PTCHD4: variants seen among roughly 807,000 people sequenced by gnomAD.
PTCHD4 encodes patched domain containing 4.
In PTCHD4, 33 loss-of-function variants were observed where a neutral mutation model predicts 58.1. That is an observed-to-expected ratio of 0.57 (90% CI 0.43 to 0.76). PTCHD4 has a LOEUF of 0.76. PTCHD4 is among the 30% of genes least tolerant of loss of function. The pLI, the probability that PTCHD4 is intolerant of heterozygous loss-of-function variation, is 0.00. For missense variants in PTCHD4, 1,058 were observed against 1,027.1 expected, an observed-to-expected ratio of 1.03 and a Z score of -0.41; for synonymous variants, 478 against 409.6, an observed-to-expected ratio of 1.17 and a Z score of -2.02.
rs755850379 is a variant in PTCHD4 at position 48,068,536 on chromosome 6, C to T, written c.111G>A (p.Arg37=). The change falls in exon 3 of 5, where the codon CGG becomes CGA. Residue 37 remains arginine, a synonymous_variant. Coordinates refer to ENST00000339488, the MANE Select transcript of PTCHD4 (RefSeq NM_001384253.1). This position sits in a 1 kb window ranked among gnomAD's most constrained non-coding sequence, Gnocchi z 4.2. ...GCACGGTGAGGAAAAAGACCGGGTG[C>T]CGGCTCACGCACAAACCCAGCCTGT... ...FCHRLGLCVS[R]HPVFFLTVPA... The T allele has an allele frequency of 3.1e-6, 5 of 1,609,306 alleles. No homozygotes were observed. Among genetic ancestry groups the T allele is most frequent in the South Asian group, 1.1e-5 (1 of 90,836 alleles).
chr6:47,987,053 G>A (rs530441723), intron 4 of PTCHD4, among the ~76,000 whole-genome samples: 3 of 152,052 alleles, frequency 2.0e-5, no homozygotes, highest in African/African-American at 7.2e-5. Flanking sequence ...TACAGTAAAA[G>A]CAAGTTTGAA....
At chr6:47,999,624 G>A (rs1382031084) in intron 4 of PTCHD4, among the ~76,000 whole-genome samples, 4 of 152,098 alleles carry the variant, frequency 2.6e-5, no homozygotes, top group African/African-American at 4.8e-5. Context: ...GGAAATAGAC[G>A]TGCACAACGC....
intron 4 of PTCHD4, among the ~76,000 whole-genome samples, chr6:47,924,373 A>T (rs923455320): frequency 7.2e-5 from 11 of 152,282 alleles, no homozygotes; most frequent in African/African-American, 2.2e-4. Context: ...CAAAGTGAAG[A>T]TTAAGATGAC....
chr6:48,088,098 G>C (rs575233901), intron 1 of PTCHD4, among the ~76,000 whole-genome samples: 1 of 152,040 alleles, frequency 6.6e-6, no homozygotes, highest in Non-Finnish European at 1.5e-5. Flanking sequence ...CCATCAATAA[G>C]GGAACTCAGG....
intron 4 of PTCHD4, among the ~76,000 whole-genome samples, chr6:48,003,082 C>G (rs1768799699): frequency 6.6e-6 from 1 of 152,072 alleles, no homozygotes; most frequent in East Asian, 1.9e-4. Context: ...TTTCTGAATC[C>G]CTCATCTTCC....
chr6:47,915,462 T>C (rs1765213510), intron 4 of PTCHD4, among the ~76,000 whole-genome samples: 1 of 152,238 alleles, frequency 6.6e-6, no homozygotes. Context: ...TTGAAAGTCC[T>C]AAGCATCTTT....
intron 4 of PTCHD4, among the ~76,000 whole-genome samples, chr6:47,953,383 A>T (rs999679483): frequency 6.6e-6 from 1 of 152,178 alleles, no homozygotes; most frequent in African/African-American, 2.4e-5. Flanking sequence ...CTCTGAGTTT[A>T]GATGAGATTT....
intron 4 of PTCHD4, among the ~76,000 whole-genome samples, chr6:47,898,942 G>A (rs557297806): frequency 2.9e-4 from 44 of 152,324 alleles, no homozygotes; most frequent in South Asian, 1.5e-3. Context: ...GAGGGGTCAT[G>A]CTCTCCCTGG....
chr6:47,936,680 G>T (rs1766009797), intron 4 of PTCHD4, among the ~76,000 whole-genome samples: 1 of 152,226 alleles, frequency 6.6e-6, no homozygotes, highest in South Asian at 2.1e-4. Flanking sequence ...AACATCTATT[G>T]TGATGTGCTA....
In PTCHD4 at chr6:48,069,444, C is replaced by G. The variant is rs1054175118; in HGVS notation, c.-487G>C. 3.9e-5 allele frequency among the ~76,000 whole-genome samples: 6 copies of G among 152,098 alleles called. No homozygotes were observed. Among genetic ancestry groups the G allele is most frequent in the African/African-American group, 1.4e-4 (6 of 41,414 alleles). On this transcript the variant is annotated 5_prime_UTR_variant, in exon 2 of 5. Coordinates refer to ENST00000339488, the MANE Select transcript of PTCHD4 (RefSeq NM_001384253.1). ...TGTGCCCTCGAATTCTGCTTTTCAGCGAAGAAAAGGAGCAGAGAGGATGAT... is the reference window on the plus strand; with the variant it reads ...TGTGCCCTCGAATTCTGCTTTTCAGGGAAGAAAAGGAGCAGAGAGGATGAT...
intron 4 of PTCHD4, among the ~76,000 whole-genome samples, chr6:47,916,908 G>A (rs892976951): frequency 6.6e-6 from 1 of 152,076 alleles, no homozygotes; most frequent in African/African-American, 2.4e-5. Flanking sequence ...TCTTCCTGGG[G>A]TGGTACTCCT....
In PTCHD4 at chr6:47,934,535, T is replaced by C. The variant is rs145457036; in HGVS notation, c.899-54599A>G. Among the ~76,000 whole-genome samples the C allele has an allele frequency of 3.3e-5, 5 of 152,282 alleles. No homozygotes were observed. In the East Asian group the frequency reaches 9.6e-4, roughly 29 times the overall value. ...TGTAATCTAGTAGCATAAAAATATA[T>C]ATGTGTGACTTAGTTGCAAAAGTAT... On this transcript the variant is annotated intron_variant, in intron 4 of 4. Coordinates refer to ENST00000339488, the MANE Select transcript of PTCHD4 (RefSeq NM_001384253.1).
intron 4 of PTCHD4, among the ~76,000 whole-genome samples, chr6:47,988,840 C>T (rs969754197): frequency 2.6e-5 from 4 of 152,098 alleles, no homozygotes; most frequent in African/African-American, 4.8e-5. Context: ...TGGACTAATT[C>T]AGTAAATTGG....
intron 1 of PTCHD4, among the ~76,000 whole-genome samples, chr6:48,099,248 C>T (rs920169420): frequency 6.6e-6 from 1 of 152,188 alleles, no homozygotes; most frequent in African/African-American, 2.4e-5. Context: ...TAAAGGGATA[C>T]CTGCTTCCAG....
Position 47,865,236 on chromosome 6 carries a change from T to C in PTCHD4, c.*13067A>G, listed in dbSNP as rs1028699494. Among the ~76,000 whole-genome samples the C allele has an allele frequency of 6.6e-6, 1 of 151,962 alleles. No homozygotes were observed. Among genetic ancestry groups the C allele is most frequent in the East Asian group, 1.9e-4 (1 of 5,144 alleles). On this transcript the variant is annotated 3_prime_UTR_variant, in exon 5 of 5. Coordinates refer to ENST00000339488, the MANE Select transcript of PTCHD4 (RefSeq NM_001384253.1). Reference sequence around the variant, plus strand: ...TATAAAAGATTAGACTGCCTATTTATGTTCCTAAGATATTCGTTTCTTCCT... The same window carrying C: ...TATAAAAGATTAGACTGCCTATTTACGTTCCTAAGATATTCGTTTCTTCCT...
intron 4 of PTCHD4, among the ~76,000 whole-genome samples, chr6:47,946,069 T>A (rs956384545): frequency 1.5e-4 from 23 of 152,194 alleles, no homozygotes; most frequent in African/African-American, 5.1e-4. Flanking sequence ...TGTTAGAGAA[T>A]GTGGTAAATA....
At chr6:48,108,808 C>A (rs1765801681) in intron 1 of PTCHD4, among the ~76,000 whole-genome samples, 1 of 151,358 alleles carries the variant, frequency 6.6e-6, no homozygotes, top group Admixed American at 6.6e-5. Flanking sequence ...CTTCATAATA[C>A]AGAGAACAAC....
chr6:47,980,524 G>A (rs1767845393), intron 4 of PTCHD4, among the ~76,000 whole-genome samples: 1 of 152,008 alleles, frequency 6.6e-6, no homozygotes, highest in African/African-American at 2.4e-5. Context: ...TATAAGTGAT[G>A]TTTTCAAATC....
intron 4 of PTCHD4, among the ~76,000 whole-genome samples, chr6:47,968,311 T>A (rs1767374287): frequency 6.6e-6 from 1 of 152,188 alleles, no homozygotes; most frequent in Non-Finnish European, 1.5e-5. Flanking sequence ...TGGTTTGTGG[T>A]ACCTCAAAAC....
Sources: allele counts gnomAD v4.1 joint callset (sites outside exome capture counted in the v4.1 genomes callset), GRCh38; gene constraint gnomAD v4.1.1; non-coding constraint Gnocchi (gnomAD v3.1); transcripts MANE v1.5; gene names NCBI Gene and HGNC (gene_info 2026-07-23, HGNC 2026-07-21).